The following ABTB3 variants were observed in gnomAD, a reference collection of about 807,000 sequenced individuals.
ABTB3 encodes the protein ankyrin repeat and BTB domain containing 3.
chr12:107,554,689 T>A, the ABTB3 span, among the ~76,000 whole-genome samples: 1 of 152,180 alleles, frequency 6.6e-6, no homozygotes, highest in African/African-American at 2.4e-5. Flanking sequence ...AAAATGCAGA[T>A]CCTATTCATT....
the ABTB3 span, among the ~76,000 whole-genome samples, chr12:107,351,090 G>T: frequency 6.6e-6 from 1 of 152,152 alleles, no homozygotes; most frequent in South Asian, 2.1e-4. Flanking sequence ...GTCCTACAAG[G>T]TTATTAAAGG....
chr12:107,518,047 G>A, the ABTB3 span, among the ~76,000 whole-genome samples: 2 of 152,170 alleles, frequency 1.3e-5, no homozygotes, highest in Admixed American at 6.5e-5. Flanking sequence ...AATGCAAATC[G>A]AAACCACAGT....
the ABTB3 span, among the ~76,000 whole-genome samples, chr12:107,422,388 G>T: frequency 1.3e-5 from 2 of 152,128 alleles, no homozygotes; most frequent in African/African-American, 4.8e-5. Context: ...AAAGTCTTTG[G>T]ATTTTATCCA....
the ABTB3 span, chr12:107,618,343 G>A: frequency 6.2e-7 from 1 of 1,613,494 alleles, no homozygotes; most frequent in Non-Finnish European, 8.5e-7. Flanking sequence ...GCTGAGCATG[G>A]CTACGTGGAT....
At chr12:107,591,706 C>T in the ABTB3 span, among the ~76,000 whole-genome samples, 1 of 152,234 alleles carries the variant, frequency 6.6e-6, no homozygotes, top group Admixed American at 6.5e-5. Context: ...ATAACTGCAG[C>T]TCATGCCCTC....
chr12:107,482,916 CTTTCTTTCTTTCT>C, the ABTB3 span, among the ~76,000 whole-genome samples: 2 of 43,896 alleles, frequency 4.6e-5, no homozygotes, highest in African/African-American at 2.6e-4. Flanking sequence ...CTTTCTTCTT[CTTTCTTTCTTTCT>C]TTCTTTCTTT....
the ABTB3 span, among the ~76,000 whole-genome samples, chr12:107,457,513 C>T: frequency 6.6e-6 from 1 of 152,180 alleles, no homozygotes. Flanking sequence ...GCAGGCTGAT[C>T]TATGGCTTTT....
chr12:107,427,631 T>C, the ABTB3 span, among the ~76,000 whole-genome samples: 1,461 of 152,284 alleles, frequency 9.6e-3, 21 homozygotes, highest in African/African-American at 0.033. Context: ...AGATCCTGAA[T>C]TGATCACATC....
At chr12:107,400,510 T>C in the ABTB3 span, among the ~76,000 whole-genome samples, 1 of 152,212 alleles carries the variant, frequency 6.6e-6, no homozygotes, top group Non-Finnish European at 1.5e-5. Flanking sequence ...CATTTGTGTC[T>C]GTTTGCATGC....
At chr12:107,577,602 G>A in the ABTB3 span, among the ~76,000 whole-genome samples, 1 of 152,020 alleles carries the variant, frequency 6.6e-6, no homozygotes, top group African/African-American at 2.4e-5. Context: ...AGCCCATCAA[G>A]GCTTTCTCTT....
chr12:107,459,497 A>G, the ABTB3 span, among the ~76,000 whole-genome samples: 1 of 152,206 alleles, frequency 6.6e-6, no homozygotes, highest in Non-Finnish European at 1.5e-5. Context: ...AGATGGAAAA[A>G]AATGAAGCAG....
chr12:107,604,570 C>T, the ABTB3 span, among the ~76,000 whole-genome samples: 111 of 152,164 alleles, frequency 7.3e-4, no homozygotes, highest in Non-Finnish European at 1.2e-3. Context: ...AATGAGATAT[C>T]GCTTCACACC....
At chr12:107,371,560 T>C in the ABTB3 span, among the ~76,000 whole-genome samples, 1 of 152,184 alleles carries the variant, frequency 6.6e-6, no homozygotes, top group Admixed American at 6.5e-5. Flanking sequence ...TAGCAGAGGA[T>C]TCGTTGCTTT....
At chr12:107,456,554 C>A in the ABTB3 span, among the ~76,000 whole-genome samples, 1 of 140,090 alleles carries the variant, frequency 7.1e-6, no homozygotes, top group Non-Finnish European at 1.6e-5. Context: ...AAACTCTGGG[C>A]TCCCACTGAT....
the ABTB3 span, among the ~76,000 whole-genome samples, chr12:107,608,993 A>AATAC: frequency 4.6e-4 from 59 of 128,686 alleles, 2 homozygotes; most frequent in African/African-American, 8.1e-4. Flanking sequence ...AATAAAATAA[A>AATAC]ATAAAATAAA....
chr12:107,603,298 C>G, the ABTB3 span, among the ~76,000 whole-genome samples: 38 of 152,336 alleles, frequency 2.5e-4, no homozygotes, highest in African/African-American at 8.7e-4. Flanking sequence ...CCACAGTTGT[C>G]ATAGATTTTT....
chr12:107,343,355 T>C, the ABTB3 span, among the ~76,000 whole-genome samples: 11 of 152,184 alleles, frequency 7.2e-5, no homozygotes, highest in African/African-American at 2.7e-4. Flanking sequence ...CTCTGCTCAA[T>C]GAAGATGCCT....
chr12:107,342,255 G>T, the ABTB3 span, among the ~76,000 whole-genome samples: 1 of 151,806 alleles, frequency 6.6e-6, no homozygotes, highest in Admixed American at 6.6e-5. Context: ...TCATTTTTTT[G>T]GGGGGAGGGG....
At chr12:107,620,791 C>T in the ABTB3 span, among the ~76,000 whole-genome samples, 1 of 152,196 alleles carries the variant, frequency 6.6e-6, no homozygotes, top group African/African-American at 2.4e-5. Context: ...GCAGCCTCTT[C>T]ATAACAGCAG....
Sources: allele counts gnomAD v4.1 joint callset (sites outside exome capture counted in the v4.1 genomes callset), GRCh38; gene constraint gnomAD v4.1.1; transcripts MANE v1.5; gene names NCBI Gene and HGNC (gene_info 2026-07-23, HGNC 2026-07-21).